KCTD20: variants seen among roughly 807,000 people sequenced by gnomAD.
KCTD20 encodes the protein BTB/POZ domain-containing protein KCTD20.
A neutral mutation model predicts 39.6 loss-of-function variants in KCTD20; 30 were observed. That is an observed-to-expected ratio of 0.76 (90% CI 0.57 to 1.03). The LOEUF (loss-of-function observed/expected upper bound fraction) is 1.03. KCTD20 is among the 50% of genes least tolerant of loss of function. The pLI, the probability that KCTD20 is intolerant of heterozygous loss-of-function variation, is 0.00. For synonymous variants in KCTD20, 162 were observed against 180.6 expected, an observed-to-expected ratio of 0.90 and a Z score of 0.83; for missense variants, 422 against 522.0, an observed-to-expected ratio of 0.81 and a Z score of 1.87.
chr6:36,473,056 C>T (rs1450669634), intron 2 of KCTD20, among the ~76,000 whole-genome samples: 5 of 150,006 alleles, frequency 3.3e-5, no homozygotes, highest in African/African-American at 1.2e-4. Context: ...CCCACCACCA[C>T]TTCTGGCTAA....
chr6:36,477,920 T>C (rs1018109538), intron 3 of KCTD20, among the ~76,000 whole-genome samples: 9 of 150,868 alleles, frequency 6.0e-5, no homozygotes, highest in Non-Finnish European at 1.0e-4. Flanking sequence ...GATGAAACCC[T>C]GTCTCTACTA....
chr6:36,479,386 G>A (rs1349564428), intron 4 of KCTD20, among the ~76,000 whole-genome samples, 163 bp downstream of exon 4: 1 of 152,098 alleles, frequency 6.6e-6, no homozygotes, highest in African/African-American at 2.4e-5. Flanking sequence ...GTCCTTGCTT[G>A]TTTGTATGTG....
In KCTD20 at chr6:36,479,617, T is replaced by C; in HGVS notation, c.564T>C (p.Asn188=). ...VLDYYKTGII[N]CPDGISIPDL... is the part of the protein sequence containing the mutation. ...ATTATTACAAAACCGGTATCATCAA[T>C]TGTCCTGATGGCATCTCTATCCCAG... Residue 188 remains asparagine (N), a synonymous_variant, in exon 5 of 8, where the codon AAT becomes AAC. Transcript: ENST00000373731. 2.5e-6 allele frequency: 4 copies of C among 1,609,072 alleles called. No homozygotes were observed. The highest frequency in any genetic ancestry group is 1.7e-4 in the Middle Eastern group (1 of 6,054).
At chr6:36,475,211 C>G (rs1299279297) in intron 3 of KCTD20, 149 bp downstream of exon 3, 2 of 703,508 alleles carry the variant, frequency 2.8e-6, no homozygotes, top group Non-Finnish European at 4.5e-6. Context: ...TTTGGGAGGT[C>G]GAGGCAGGCA....
chr6:36,456,060 G>T (rs1379098492), intron 1 of KCTD20, among the ~76,000 whole-genome samples: 1 of 151,902 alleles, frequency 6.6e-6, no homozygotes, highest in Non-Finnish European at 1.5e-5. Context: ...TCAAACAGAT[G>T]TTTTTTTTCT....
rs773550853 is a variant in KCTD20, at chr6:36,487,276, T to C, written c.*101T>C. On this transcript the variant is annotated 3_prime_UTR_variant, in exon 8 of 8. Coordinates refer to ENST00000373731, the MANE Select transcript of KCTD20 (RefSeq NM_173562.5). Reference sequence around the variant, plus strand: ...GTCTCACCTTGAGTAGGAGACATGCTTCTCCCCTAACCTTTTCCTTTCTGC... The same window carrying C: ...GTCTCACCTTGAGTAGGAGACATGCCTCTCCCCTAACCTTTTCCTTTCTGC... The C allele has an allele frequency of 2.8e-5, 33 of 1,185,220 alleles. No individual in the cohort carries two copies. The highest frequency in any genetic ancestry group is 8.7e-5 in the Admixed American group (4 of 45,748). The allele number at this position is 1,185,220 out of a possible 1,614,324, so 73.4% of individuals were successfully genotyped here. A position where few individuals can be genotyped will look rare whatever the true frequency, so the allele number is the denominator to read the frequency against.
rs1424063390 is a variant in KCTD20, at chr6:36,490,432, G to A, written c.*3257G>A. On this transcript the variant is annotated 3_prime_UTR_variant, in exon 8 of 8. Coordinates refer to ENST00000373731, the MANE Select transcript of KCTD20 (RefSeq NM_173562.5). ...AGTGCCTGTAGTCCCAGCTACTTGG[G>A]AGGCTGAGGCAGGAGAACTGCTTGA... 1 of 152,374 alleles carries A rather than the reference G, an allele frequency of 6.6e-6. No homozygotes were observed. Among genetic ancestry groups the A allele is most frequent in the African/African-American group, 2.4e-5 (1 of 41,442 alleles). The allele number at this position is 152,374 out of a possible 1,614,324, so 9.4% of individuals were successfully genotyped here. A position where few individuals can be genotyped will look rare whatever the true frequency, so the allele number is the denominator to read the frequency against.
intron 1 of KCTD20, among the ~76,000 whole-genome samples, chr6:36,462,559 CAAG>C (rs1384875230): frequency 6.6e-6 from 1 of 152,158 alleles, no homozygotes; most frequent in Non-Finnish European, 1.5e-5. Context: ...GAATGGGGCC[CAAG>C]AAGATGTTTT....
intron 3 of KCTD20, among the ~76,000 whole-genome samples, chr6:36,478,830 C>G (rs1443516800): frequency 6.6e-6 from 1 of 152,208 alleles, no homozygotes; most frequent in African/African-American, 2.4e-5. Context: ...TCTGCAGTTG[C>G]TATTTACTGC....
chr6:36,485,488 CTTTTTTT>C (rs34990483), intron 7 of KCTD20, among the ~76,000 whole-genome samples: 61 of 97,104 alleles, frequency 6.3e-4, no homozygotes, highest in African/African-American at 1.5e-3. Context: ...TGGAGTGGAT[CTTTTTTT>C]TTTTTTTTTT....
chr6:36,480,754 T>C (rs567067930), intron 5 of KCTD20, among the ~76,000 whole-genome samples: 2 of 152,296 alleles, frequency 1.3e-5, no homozygotes, highest in African/African-American at 4.8e-5. Flanking sequence ...GGTTTCACCA[T>C]GTTGGCCAGC....
intron 6 of KCTD20, among the ~76,000 whole-genome samples, chr6:36,483,495 A>G (rs1041665217): frequency 1.1e-4 from 17 of 152,056 alleles, no homozygotes; most frequent in African/African-American, 4.1e-4. Context: ...TGCAGGCACC[A>G]TGGCTGGCCA....
intron 1 of KCTD20, among the ~76,000 whole-genome samples, chr6:36,455,952 G>A (rs1379692963): frequency 6.6e-6 from 1 of 152,196 alleles, no homozygotes; most frequent in African/African-American, 2.4e-5. Context: ...TAACGGGACT[G>A]TAGCCTAGCC....
intron 1 of KCTD20, among the ~76,000 whole-genome samples, chr6:36,463,365 C>T (rs1775653887): frequency 2.0e-5 from 3 of 152,000 alleles, no homozygotes. Flanking sequence ...AGTAATATAA[C>T]AAGGTACAAA....
intron 2 of KCTD20, among the ~76,000 whole-genome samples, chr6:36,474,111 A>G (rs1775993592): frequency 6.6e-6 from 1 of 152,110 alleles, no homozygotes; most frequent in Non-Finnish European, 1.5e-5. Context: ...TTTAGGGTAC[A>G]TGTGCACATT....
chr6:36,453,048 C>A (rs955655828), intron 1 of KCTD20, among the ~76,000 whole-genome samples: 2 of 134,016 alleles, frequency 1.5e-5, no homozygotes, highest in African/African-American at 2.9e-5. Context: ...CACTCTGTTG[C>A]CCTGGCTGGA....
chr6:36,455,879 A>G (rs1010959720), intron 1 of KCTD20, among the ~76,000 whole-genome samples: 1 of 152,198 alleles, frequency 6.6e-6, no homozygotes, highest in Non-Finnish European at 1.5e-5. Context: ...TAAAGTAAGT[A>G]ACTATAGACT....
chr6:36,446,065 T>A (rs865897221), intron 1 of KCTD20, among the ~76,000 whole-genome samples: 38 of 142,002 alleles, frequency 2.7e-4, no homozygotes, highest in African/African-American at 8.2e-4. Flanking sequence ...TCGCTCTTGT[T>A]GCCCAGGCTG....
rs1159439816 is a variant in KCTD20, at chr6:36,489,690, A to G, written c.*2515A>G. ...GTTCCTGGCCAGATGGGTAAGAGGC[A>G]TTTGTAATTTTAAAAATGTGAAACT... On this transcript the variant is annotated 3_prime_UTR_variant, in exon 8 of 8. Transcript: ENST00000373731. 6.6e-6 allele frequency: 1 copy of G among 150,998 alleles called. No individual in the cohort carries two copies. Among genetic ancestry groups the G allele is most frequent in the Admixed American group, 6.7e-5 (1 of 15,024 alleles). 9.4% of individuals were successfully genotyped at this position (150,998 alleles called of 1,614,324 possible).
Sources: gnomAD v4.1 joint callset for allele counts (sites outside exome capture counted in the v4.1 genomes callset) on GRCh38, gnomAD v4.1.1 for gene constraint, MANE v1.5 for transcripts, NCBI Gene and HGNC (gene_info 2026-07-23, HGNC 2026-07-21) for gene names.